Variants in IQGAP1 observed in about 807,000 individuals in gnomAD.
The protein encoded by IQGAP1 is IQ motif containing GTPase activating protein 1.
Under a neutral mutation model 215.6 loss-of-function variants are expected in IQGAP1, and 66 were observed. The observed-to-expected ratio is 0.31, with a 90% confidence interval of 0.25 to 0.38. The LOEUF is 0.38. Ranked by LOEUF, IQGAP1 falls within the 10% of genes least tolerant of loss-of-function variation. The probability of loss-of-function intolerance (pLI) is 1.00; values close to 1 mark genes in which losing one functional copy is unlikely to be tolerated. For synonymous variants in IQGAP1, 772 were observed against 728.7 expected (o/e 1.06, Z -0.96); for missense variants, 1,712 against 1,997.1 (o/e 0.86, Z 2.72).
At chr15:90,471,826 A>G (rs1319718816) in intron 18 of IQGAP1, among the ~76,000 whole-genome samples, 2 of 116,352 alleles carry the variant, frequency 1.7e-5, no homozygotes, top group East Asian at 3.2e-4. Flanking sequence ...AAGTGCATAC[A>G]GTGTTGCCCA....
chr15:90,462,690 C>G (rs577860403), intron 15 of IQGAP1, among the ~76,000 whole-genome samples: 4 of 152,058 alleles, frequency 2.6e-5, no homozygotes, highest in Non-Finnish European at 4.4e-5. Flanking sequence ...ATAGTCATTC[C>G]TTTGCCTCTT....
At chr15:90,450,148 A>G (rs1216194423) in intron 11 of IQGAP1, among the ~76,000 whole-genome samples, 3 of 151,866 alleles carry the variant, frequency 2.0e-5, no homozygotes, top group Non-Finnish European at 2.9e-5. Flanking sequence ...CCTCCTCCCC[A>G]CTACCCTTCC....
chr15:90,430,912 G>A (rs1965292937), intron 4 of IQGAP1, among the ~76,000 whole-genome samples: 1 of 147,656 alleles, frequency 6.8e-6, no homozygotes, highest in Non-Finnish European at 1.5e-5. Context: ...ATACAAATAT[G>A]TATATTATAT....
intron 8 of IQGAP1, among the ~76,000 whole-genome samples, 197 bp from the exon 9 acceptor site, chr15:90,443,197 G>A (rs988950931): frequency 1.3e-5 from 2 of 152,170 alleles, no homozygotes; most frequent in Non-Finnish European, 2.9e-5. Flanking sequence ...TTGGCTTCAA[G>A]CCATCTTCCC....
chr15:90,497,814 A>G (rs1966291980), intron 37 of IQGAP1, among the ~76,000 whole-genome samples: 1 of 152,236 alleles, frequency 6.6e-6, no homozygotes, highest in African/African-American at 2.4e-5. Flanking sequence ...TTTGTAGCAT[A>G]AAGATCCCTA....
intron 2 of IQGAP1, among the ~76,000 whole-genome samples, chr15:90,417,006 C>G (rs11852977): frequency 0.19 from 29,573 of 152,154 alleles, 3,884 homozygotes; most frequent in African/African-American, 0.37. Context: ...GCATAAATGT[C>G]TTCTTTTGCA....
In IQGAP1 at chr15:90,429,680, G is replaced by C; in HGVS notation, c.390+14G>C. 6.4e-7 allele frequency: 1 copy of C among 1,554,026 alleles called. No homozygotes were observed. The highest frequency in any genetic ancestry group is 8.8e-7 in the Non-Finnish European group (1 of 1,136,548). On this transcript the variant is annotated intron_variant, in intron 4 of 37. Coordinates refer to ENST00000268182, the MANE Select transcript of IQGAP1 (RefSeq NM_003870.4). Reference sequence around the variant, plus strand: ...GGATTGCCTAAGGTAACTTACCTGAGATAATAGTTTAGGCTTTGTTCCAGC... The same window carrying C: ...GGATTGCCTAAGGTAACTTACCTGACATAATAGTTTAGGCTTTGTTCCAGC...
intron 19 of IQGAP1, 66 bp from the exon 20 acceptor site, chr15:90,473,648 AG>A: frequency 1.7e-6 from 2 of 1,165,806 alleles, no homozygotes; most frequent in Non-Finnish European, 1.3e-6. Context: ...TCAAGATGAA[AG>A]TTTTTTTTTA....
chr15:90,395,365 G>A (rs976808904), intron 2 of IQGAP1, among the ~76,000 whole-genome samples: 6 of 151,588 alleles, frequency 4.0e-5, no homozygotes, highest in African/African-American at 1.5e-4. Context: ...CTGTCGCCCG[G>A]GCCAGAGTGC....
intron 18 of IQGAP1, among the ~76,000 whole-genome samples, chr15:90,470,547 A>G (rs1378644995): frequency 6.6e-6 from 1 of 152,084 alleles, no homozygotes; most frequent in East Asian, 1.9e-4. Flanking sequence ...TATTTCCCAC[A>G]TCTTTGAAAA....
At chr15:90,420,663 G>C (rs2151011458) in intron 2 of IQGAP1, among the ~76,000 whole-genome samples, 2 of 152,278 alleles carry the variant, frequency 1.3e-5, no homozygotes, top group Middle Eastern at 6.8e-3. Flanking sequence ...TTATTGCTAG[G>C]ACAGGGTTAA....
chr15:90,466,316 G>A lies in IQGAP1; in HGVS notation c.1915G>A (p.Val639Ile). Residue 639 changes from valine to isoleucine, a missense_variant, in exon 17 of 38, where the codon GTT becomes ATT. Physicochemically the swap from Val to Ile is conservative, Grantham distance 29. Transcript: ENST00000268182. Reference protein sequence around the residue: ...AINEAVESGDVGKTLSALRSP... With the variant: ...AINEAVESGDIGKTLSALRSP... Reference sequence around the variant, plus strand: ...TAATGAGGCAGTAGAAAGTGGTGATGTTGGCAAAACACTGAGTGCCCTTCG... The same window carrying A: ...TAATGAGGCAGTAGAAAGTGGTGATATTGGCAAAACACTGAGTGCCCTTCG... The A allele has an allele frequency of 6.2e-7, 1 of 1,614,170 alleles. No individual in the cohort carries two copies.
rs1159438921 is a variant in IQGAP1, at chr15:90,500,915, A to G, written c.*807A>G. ...CAGAGAGACAATTCACTCCATCCCTATGGCAGAGGAATGGGTTAGCCCTAA... is the reference window on the plus strand; with the variant it reads ...CAGAGAGACAATTCACTCCATCCCTGTGGCAGAGGAATGGGTTAGCCCTAA... On this transcript the variant is annotated 3_prime_UTR_variant, in exon 38 of 38. Coordinates refer to ENST00000268182, the MANE Select transcript of IQGAP1 (RefSeq NM_003870.4). 6.6e-5 allele frequency: 10 copies of G among 152,628 alleles called. No homozygotes were observed. The highest frequency in any genetic ancestry group is 4.4e-5 in the Non-Finnish European group (3 of 68,026). 9.5% of individuals were successfully genotyped at this position (152,628 alleles called of 1,614,324 possible).
intron 2 of IQGAP1, among the ~76,000 whole-genome samples, chr15:90,417,944 G>A (rs1301316180): frequency 6.6e-6 from 1 of 152,128 alleles, no homozygotes; most frequent in Non-Finnish European, 1.5e-5. Context: ...TTGTAAGTTG[G>A]ATTCCTAAGT....
At chr15:90,439,298 G>A (rs755402242) in intron 5 of IQGAP1, 34 bp from the exon 6 acceptor site, 2 of 1,575,560 alleles carry the variant, frequency 1.3e-6, no homozygotes, top group Admixed American at 3.4e-5. Context: ...GGCACAGCTG[G>A]GAGGCCTAAC....
At chr15:90,402,246 C>G (rs1291697202) in intron 2 of IQGAP1, among the ~76,000 whole-genome samples, 1 of 152,220 alleles carries the variant, frequency 6.6e-6, no homozygotes, top group Non-Finnish European at 1.5e-5. Context: ...AACCTGGTAT[C>G]TGCTTTGAAT....
intron 26 of IQGAP1, among the ~76,000 whole-genome samples, chr15:90,481,673 G>C (rs1316720144): frequency 6.6e-6 from 1 of 152,118 alleles, no homozygotes; most frequent in Non-Finnish European, 1.5e-5. Context: ...TCATCTGTTT[G>C]TGTGTCGCTC....
chr15:90,431,437 A>G (rs1336798951), intron 4 of IQGAP1, among the ~76,000 whole-genome samples: 1 of 152,234 alleles, frequency 6.6e-6, no homozygotes, highest in African/African-American at 2.4e-5. Flanking sequence ...TGTTTTTTAT[A>G]TAGTATATTG....
rs567272170 is a variant in IQGAP1 at position 90,473,989 on chromosome 15, A to C, written c.2505+22A>C. 2.9e-5 allele frequency: 46 copies of C among 1,612,172 alleles called. No individual in the cohort carries two copies. The African/African-American group carries it at 5.7e-4, about 20-fold the overall frequency. ...CCATGTAAGCACCCTTGGATCATACAGGCCATTAGGGGCAATTTTGCCATA... is the reference window on the plus strand; with the variant it reads ...CCATGTAAGCACCCTTGGATCATACCGGCCATTAGGGGCAATTTTGCCATA... On this transcript the variant is annotated intron_variant, in intron 21 of 37. Coordinates refer to ENST00000268182, the MANE Select transcript of IQGAP1 (RefSeq NM_003870.4).
Sources: allele counts gnomAD v4.1 joint callset (sites outside exome capture counted in the v4.1 genomes callset), GRCh38; gene constraint gnomAD v4.1.1; transcripts MANE v1.5; gene names NCBI Gene and HGNC (gene_info 2026-07-23, HGNC 2026-07-21).